Variants in GPAT3 observed in about 807,000 individuals in gnomAD.
GPAT3 encodes the protein glycerol-3-phosphate acyltransferase 3, also known as 1-AGP acyltransferase 9.
Under a neutral mutation model 58.8 loss-of-function variants are expected in GPAT3, and 53 were observed. The ratio of observed to expected loss-of-function variants is 0.90; its 90% CI spans 0.72 to 1.13. GPAT3 has a LOEUF of 1.13. Among genes scored for constraint, GPAT3 ranks in the 50% most tolerant of loss-of-function variants. The pLI is 0.00. For missense variants in GPAT3, 511 were observed against 527.6 expected (o/e 0.97, Z 0.31); for synonymous variants, 197 against 187.4 (o/e 1.05, Z -0.42).
At chr4:83,543,575 T>C (rs1165551298) in intron 1 of GPAT3, among the ~76,000 whole-genome samples, 7 of 152,168 alleles carry the variant, frequency 4.6e-5, no homozygotes, top group African/African-American at 1.7e-4. Context: ...CATTTTCCTA[T>C]GCATCTTCAT....
chr4:83,556,332 G>A (rs1724938152), intron 2 of GPAT3, among the ~76,000 whole-genome samples: 1 of 151,888 alleles, frequency 6.6e-6, no homozygotes, highest in African/African-American at 2.4e-5. Flanking sequence ...ACCCTGTCTT[G>A]ACTAAAATAC....
rs568047778 is a variant in GPAT3 at position 83,571,542 on chromosome 4, G to A, written c.209-10020G>A. On this transcript the variant is annotated intron_variant, in intron 2 of 11. Coordinates refer to ENST00000264409, the MANE Select transcript of GPAT3 (RefSeq NM_032717.5). ...CTCAATGTAAGTATTTTTCAACAAA[G>A]TATATATACTTTGTTGAAAAATTAG... 2.0e-5 allele frequency among the ~76,000 whole-genome samples: 3 copies of A among 151,516 alleles called. No homozygotes were observed. The East Asian group carries it at 5.8e-4, about 29-fold the overall frequency.
At chr4:83,570,873 A>AT (rs1725579055) in intron 2 of GPAT3, among the ~76,000 whole-genome samples, 1 of 152,056 alleles carries the variant, frequency 6.6e-6, no homozygotes. Context: ...CAGATACATG[A>AT]TTTTTTACAT....
At chr4:83,601,359 C>T (rs551832305) in intron 11 of GPAT3, among the ~76,000 whole-genome samples, 9 of 152,312 alleles carry the variant, frequency 5.9e-5, no homozygotes, top group South Asian at 2.1e-4. Flanking sequence ...ATTCACATAG[C>T]GTGAATACAA....
intron 2 of GPAT3, among the ~76,000 whole-genome samples, chr4:83,575,589 T>C (rs546176649): frequency 4.6e-5 from 7 of 152,014 alleles, no homozygotes; most frequent in Admixed American, 1.3e-4. Flanking sequence ...ATTTTTTTTG[T>C]ATTTTTAGTA....
chr4:83,598,402 T>A, intron 10 of GPAT3: 2 of 713,308 alleles, frequency 2.8e-6, no homozygotes, highest in Middle Eastern at 7.9e-4. Context: ...AACCTACAGA[T>A]ATTATCTTGG....
chr4:83,541,372 C>T (rs976370576), intron 1 of GPAT3, among the ~76,000 whole-genome samples: 1 of 150,846 alleles, frequency 6.6e-6, no homozygotes, highest in Non-Finnish European at 1.5e-5. Context: ...CGTGTACCAC[C>T]ATGCCCAACT....
chr4:83,593,247 C>T (rs1419791208), intron 6 of GPAT3, among the ~76,000 whole-genome samples: 1 of 145,508 alleles, frequency 6.9e-6, no homozygotes, highest in African/African-American at 2.5e-5. Flanking sequence ...TCACTGCAAC[C>T]TCTGCCTCCC....
intron 2 of GPAT3, among the ~76,000 whole-genome samples, chr4:83,575,528 A>G (rs932032527): frequency 6.6e-6 from 1 of 151,850 alleles, no homozygotes; most frequent in Non-Finnish European, 1.5e-5. Context: ...TTCTCCTGCC[A>G]CAGCCTCCCC....
intron 2 of GPAT3, among the ~76,000 whole-genome samples, chr4:83,547,279 G>A (rs536056989): frequency 3.2e-5 from 4 of 125,264 alleles, no homozygotes; most frequent in South Asian, 5.3e-4. Flanking sequence ...TTGAGATGGA[G>A]TCTTGCTCTG....
chr4:83,562,847 C>G (rs1345620995), intron 2 of GPAT3, among the ~76,000 whole-genome samples: 1 of 151,656 alleles, frequency 6.6e-6, no homozygotes, highest in Non-Finnish European at 1.5e-5. Flanking sequence ...TATATATTCT[C>G]TCCTCATTCT....
intron 2 of GPAT3, among the ~76,000 whole-genome samples, chr4:83,579,017 C>CTT (rs1725952352): frequency 6.4e-5 from 3 of 46,522 alleles, no homozygotes; most frequent in African/African-American, 1.9e-4. Flanking sequence ...TCCTTCTTTC[C>CTT]CTTTCTTTCT....
In GPAT3 at chr4:83,565,567, C is replaced by G. The variant is rs566515166; in HGVS notation, c.209-15995C>G. ...AGGGTGGAGTGCAGTGGTGCGCTCT[C>G]GGCTCACCACAACCTCCGCCTCTAG... On this transcript the variant is annotated intron_variant, in intron 2 of 11. Transcript: ENST00000264409. Among the ~76,000 whole-genome samples the G allele has an allele frequency of 2.1e-4, 32 of 152,044 alleles. 2 individuals carry two copies. The highest frequency in any genetic ancestry group is 1.5e-3 in the South Asian group (7 of 4,818).
chr4:83,571,775 TTTG>T (rs1375202893), intron 2 of GPAT3, among the ~76,000 whole-genome samples: 6 of 151,046 alleles, frequency 4.0e-5, no homozygotes, highest in Admixed American at 2.0e-4. Context: ...CATATATAGT[TTTG>T]TTGTTGTTGT....
chr4:83,601,621 GGC>G (rs1727056592), intron 11 of GPAT3, among the ~76,000 whole-genome samples: 1 of 152,238 alleles, frequency 6.6e-6, no homozygotes, highest in South Asian at 2.1e-4. Flanking sequence ...TGGGCGCCAT[GGC>G]GCACACCTGT....
Position 83,565,160 on chromosome 4 carries a change from G to A in GPAT3, c.209-16402G>A, listed in dbSNP as rs907130701. ...GTGTTGCCCAGGCTGGAGCACAGTG[G>A]CGCAATCTCAACTCACTGCAACCTC... On this transcript the variant is annotated intron_variant, in intron 2 of 11. Transcript: ENST00000264409. Among the ~76,000 whole-genome samples the A allele has an allele frequency of 1.7e-4, 26 of 151,826 alleles. 2 individuals carry two copies.
intron 2 of GPAT3, among the ~76,000 whole-genome samples, chr4:83,558,619 A>G (rs936270375): frequency 6.6e-6 from 1 of 152,206 alleles, no homozygotes; most frequent in Non-Finnish European, 1.5e-5. Context: ...GACTGTCTAA[A>G]CTGGAGGGAT....
chr4:83,588,571 C>T (rs1453063900), intron 5 of GPAT3, among the ~76,000 whole-genome samples: 1 of 152,168 alleles, frequency 6.6e-6, no homozygotes, highest in Non-Finnish European at 1.5e-5. Context: ...TAGCTCATCC[C>T]TATGAGATAG....
Position 83,576,467 on chromosome 4 carries a change from A to T in GPAT3, c.209-5095A>T, listed in dbSNP as rs189467242. On this transcript the variant is annotated intron_variant, in intron 2 of 11. Coordinates refer to ENST00000264409, the MANE Select transcript of GPAT3 (RefSeq NM_032717.5). Reference sequence around the variant, plus strand: ...TTATTTATTTATTTACTTTTGAGACAGAGTCCCACTCTGTCACCCAGGCTG... The same window carrying T: ...TTATTTATTTATTTACTTTTGAGACTGAGTCCCACTCTGTCACCCAGGCTG... Among the ~76,000 whole-genome samples, 193 of 148,754 alleles carry T rather than the reference A, an allele frequency of 1.3e-3. 1 individual carries two copies. Among genetic ancestry groups the T allele is most frequent in the African/African-American group, 4.3e-3 (173 of 39,802 alleles).
Sources: gnomAD v4.1 joint callset for allele counts (sites outside exome capture counted in the v4.1 genomes callset) on GRCh38, gnomAD v4.1.1 for gene constraint, MANE v1.5 for transcripts, NCBI Gene and HGNC (gene_info 2026-07-23, HGNC 2026-07-21) for gene names.